Variants in GALNT2 observed in about 807,000 individuals in gnomAD.
GALNT2 encodes the protein UDP-GalNAc:polypeptide N-acetylgalactosaminyltransferase 2.
Under a neutral mutation model 81.4 loss-of-function variants are expected in GALNT2, and 31 were observed. The ratio of observed to expected loss-of-function variants is 0.38; its 90% CI spans 0.29 to 0.51. The LOEUF (loss-of-function observed/expected upper bound fraction) is 0.51. GALNT2 is among the 20% of genes least tolerant of loss of function. The probability of loss-of-function intolerance (pLI) is 0.87; values close to 1 mark genes in which losing one functional copy is unlikely to be tolerated. For synonymous variants in GALNT2, 303 were observed against 287.4 expected, an observed-to-expected ratio of 1.05 and a Z score of -0.55; for missense variants, 629 against 765.7, an observed-to-expected ratio of 0.82 and a Z score of 2.11.
rs140180340 is a variant in GALNT2 at position 230,218,077 on chromosome 1, TAC to T, written c.374+14789_374+14790del. On this transcript the variant is annotated intron_variant, in intron 3 of 15. Coordinates refer to ENST00000366672, the MANE Select transcript of GALNT2 (RefSeq NM_004481.5). ...GGTTTACTGGGGGTGGGGTGGGAAA[TAC>T]AAGGCCAGAAGCAGAGAAACCTGTT... Among the ~76,000 whole-genome samples the T allele has an allele frequency of 9.0e-3, 1,367 of 152,140 alleles. 15 individuals are homozygous for T. The highest frequency in any genetic ancestry group is 0.03 in the African/African-American group (1,252 of 41,494).
intron 1 of GALNT2, among the ~76,000 whole-genome samples, chr1:230,108,161 C>T (rs1660596213): frequency 6.6e-6 from 1 of 152,178 alleles, no homozygotes; most frequent in African/African-American, 2.4e-5. Flanking sequence ...AACTGGTTTG[C>T]CTGTGAAGCA....
intron 14 of GALNT2, 83 bp downstream of exon 14, chr1:230,265,450 G>A: frequency 6.3e-7 from 1 of 1,579,538 alleles, no homozygotes; most frequent in South Asian, 1.1e-5. Flanking sequence ...AGTCCCAGCT[G>A]CCACCTTTCT....
chr1:230,151,097 T>C (rs1414174000), intron 1 of GALNT2, among the ~76,000 whole-genome samples: 2 of 152,192 alleles, frequency 1.3e-5, no homozygotes, highest in African/African-American at 4.8e-5. Flanking sequence ...TGTGGAAATA[T>C]GTTCAGGATC....
At position 230,105,890 on chromosome 1, in the gene GALNT2, C is replaced by T. The variant is rs116907532; in HGVS notation, c.126+38484C>T. 1.6e-4 allele frequency among the ~76,000 whole-genome samples: 25 copies of T among 152,098 alleles called. No individual in the cohort carries two copies. The East Asian group carries it at 4.3e-3, about 26-fold the overall frequency. On this transcript the variant is annotated intron_variant, in intron 1 of 15. Transcript: ENST00000366672. The stretch of plus-strand genomic sequence containing the variant: ...CAGTCCTGTCTGATGCCAGATCCAG[C>T]GCTGTATCTGCCAGTCAGCATGCAC...
intron 2 of GALNT2, among the ~76,000 whole-genome samples, chr1:230,191,268 T>C (rs1663515282): frequency 6.6e-6 from 1 of 152,220 alleles, no homozygotes; most frequent in Non-Finnish European, 1.5e-5. Context: ...TGTTCAGGGA[T>C]GCTGATAAAC....
chr1:230,238,905 G>A (rs576849791), intron 6 of GALNT2, among the ~76,000 whole-genome samples: 2 of 152,126 alleles, frequency 1.3e-5, no homozygotes, highest in Admixed American at 6.5e-5. Flanking sequence ...AAAAGAGTTT[G>A]TATAATATTT....
intron 3 of GALNT2, among the ~76,000 whole-genome samples, chr1:230,217,195 GA>G (rs962708564): frequency 1.2e-4 from 17 of 138,336 alleles, no homozygotes; most frequent in Admixed American, 5.1e-4. Flanking sequence ...ATACAGAAGA[GA>G]AAAAAAAAGC....
At chr1:230,173,406 G>A (rs1290136153) in intron 1 of GALNT2, among the ~76,000 whole-genome samples, 1 of 152,120 alleles carries the variant, frequency 6.6e-6, no homozygotes, top group African/African-American at 2.4e-5. Flanking sequence ...GCCCTCCCTT[G>A]TCTACACTTT....
Position 230,178,277 on chromosome 1 carries a change from A to G in GALNT2, c.186A>G (p.Glu62=), listed in dbSNP as rs760946580. 1.9e-6 allele frequency: 3 copies of G among 1,614,132 alleles called. No homozygotes were observed. Among genetic ancestry groups the G allele is most frequent in the South Asian group, 2.2e-5 (2 of 91,082 alleles). Residue 62 remains glutamate (E), a synonymous_variant, in exon 2 of 16, where the codon GAA becomes GAG. Transcript: ENST00000366672. ...KKKDLHHSNG[E]EKAQSMETLP... is the part of the protein sequence containing the mutation. ...AAGACCTTCATCACAGCAATGGAGA[A>G]GAGAAAGCACAAAGCATGGAGACCC... is the stretch of plus-strand genomic sequence containing the variant.
intron 1 of GALNT2, among the ~76,000 whole-genome samples, chr1:230,177,765 A>G (rs1255232211): frequency 1.3e-5 from 2 of 152,212 alleles, no homozygotes; most frequent in African/African-American, 4.8e-5. Flanking sequence ...AGGGGAGCTC[A>G]AAGGAGCCCT....
Position 230,279,554 on chromosome 1 carries a change from C to T in GALNT2, c.*96C>T, listed in dbSNP as rs1425878710. The T allele has an allele frequency of 7.2e-7, 1 of 1,395,716 alleles. No homozygotes were observed. Among genetic ancestry groups the T allele is most frequent in the Non-Finnish European group, 9.7e-7 (1 of 1,026,374 alleles). The allele number at this position is 1,395,716 out of a possible 1,614,324, so 86.5% of individuals were successfully genotyped here. ...TATGTTTCTTAAACTTTCCGCGAAA[C>T]TAATATACCTCAGTATTCCATCATG... On this transcript the variant is annotated 3_prime_UTR_variant, in exon 16 of 16. Coordinates refer to ENST00000366672, the MANE Select transcript of GALNT2 (RefSeq NM_004481.5). This position sits in a 1 kb window ranked among gnomAD's most constrained non-coding sequence, Gnocchi z 4.6.
intron 1 of GALNT2, among the ~76,000 whole-genome samples, chr1:230,096,826 C>G (rs1170051974): frequency 6.6e-6 from 1 of 152,202 alleles, no homozygotes; most frequent in Non-Finnish European, 1.5e-5. Flanking sequence ...TTAATTCACT[C>G]AGAGGTCCTC....
intron 1 of GALNT2, among the ~76,000 whole-genome samples, chr1:230,087,205 C>G (rs928184179): frequency 3.9e-5 from 6 of 152,234 alleles, no homozygotes; most frequent in African/African-American, 7.2e-5. Flanking sequence ...TGCACACTCT[C>G]CCCATAGGGA....
At chr1:230,177,651 T>C (rs1478533319) in intron 1 of GALNT2, among the ~76,000 whole-genome samples, 1 of 152,236 alleles carries the variant, frequency 6.6e-6, no homozygotes, top group Non-Finnish European at 1.5e-5. Flanking sequence ...TATGTATCTC[T>C]GTTTCATTGG....
intron 1 of GALNT2, among the ~76,000 whole-genome samples, chr1:230,116,725 G>A (rs1258477063): frequency 6.6e-6 from 1 of 152,058 alleles, no homozygotes; most frequent in East Asian, 1.9e-4. Context: ...TTTTTTCCGA[G>A]CAGTCTCAAC....
At chr1:230,097,024 C>A (rs1033284088) in intron 1 of GALNT2, among the ~76,000 whole-genome samples, 11 of 152,186 alleles carry the variant, frequency 7.2e-5, no homozygotes, top group Admixed American at 5.9e-4. Context: ...AAAGCTACAA[C>A]TGTGAAGAGG....
At chr1:230,211,353 T>G (rs1306505934) in intron 3 of GALNT2, among the ~76,000 whole-genome samples, 2 of 152,150 alleles carry the variant, frequency 1.3e-5, no homozygotes, top group African/African-American at 2.4e-5. Context: ...TGTTCTGGCT[T>G]TGTTGGCATT....
intron 1 of GALNT2, among the ~76,000 whole-genome samples, chr1:230,168,860 T>C (rs1662699043): frequency 6.6e-6 from 1 of 152,244 alleles, no homozygotes; most frequent in Non-Finnish European, 1.5e-5. Context: ...GTTCTCTCTT[T>C]ATTCAGATTT....
At chr1:230,233,537 C>T (rs1469730121) in intron 3 of GALNT2, among the ~76,000 whole-genome samples, 4 of 152,072 alleles carry the variant, frequency 2.6e-5, no homozygotes, top group Non-Finnish European at 4.4e-5. Flanking sequence ...CGCTTGAACC[C>T]GGGAGGCGGA....
Sources: gnomAD v4.1 joint callset for allele counts (sites outside exome capture counted in the v4.1 genomes callset) on GRCh38, gnomAD v4.1.1 for gene constraint, Gnocchi (gnomAD v3.1) non-coding constraint, MANE v1.5 for transcripts, NCBI Gene and HGNC (gene_info 2026-07-23, HGNC 2026-07-21) for gene names.